The following PLCG2 variants were observed in gnomAD, a reference collection of about 807,000 sequenced individuals.
PLCG2 encodes 1-phosphatidylinositol 4,5-bisphosphate phosphodiesterase gamma-2.
Under a neutral mutation model 175.6 loss-of-function variants are expected in PLCG2, and 69 were observed. The observed-to-expected ratio is 0.39, with a 90% CI of 0.32 to 0.48. The LOEUF (loss-of-function observed/expected upper bound fraction) is 0.48, where lower values mean the gene tolerates loss of function less well. Ranked by LOEUF, PLCG2 falls within the 20% of genes least tolerant of loss-of-function variation. The pLI is 0.91. For missense variants in PLCG2, 1,798 were observed against 1,650.9 expected (o/e 1.09, Z -1.54); for synonymous variants, 827 against 624.0 (o/e 1.33, Z -4.85).
chr16:81,852,486 C>G (rs1036838895), intron 2 of PLCG2, among the ~76,000 whole-genome samples: 4 of 85,510 alleles, frequency 4.7e-5, no homozygotes, highest in African/African-American at 1.4e-4. Flanking sequence ...ACTGGTTGAG[C>G]TTGTTGAGCT....
chr16:81,767,114 C>G (rs375096718), intron 2 of PLCG2, among the ~76,000 whole-genome samples: 7 of 151,520 alleles, frequency 4.6e-5, no homozygotes, highest in Middle Eastern at 3.4e-3. Context: ...CCTCTCCACC[C>G]CATTCAACTG....
In PLCG2 at chr16:81,923,531, G is replaced by C. The variant is rs1910140827; in HGVS notation, c.2354G>C (p.Ser785Thr). ...KALYDYKAKR[S>T]DELSFCRGAL... ...CTGTATGACTACAAAGCCAAGCGAA[G>C]CGATGAGCTGAGCTTCTGCCGTGGT... The change falls in exon 22 of 33, where the codon AGC becomes ACC. Residue 785 changes from serine (S) to threonine (T), a missense_variant. Ser to Thr is a moderately conservative substitution (Grantham distance 58). Transcript: ENST00000564138. 1 of 1,613,918 alleles carries C rather than the reference G, an allele frequency of 6.2e-7. No homozygotes were observed. The highest frequency in any genetic ancestry group is 1.3e-5 in the African/African-American group (1 of 75,042).
At chr16:81,876,662 A>AG (rs1388507005) in intron 7 of PLCG2, among the ~76,000 whole-genome samples, 19 of 152,280 alleles carry the variant, frequency 1.2e-4, no homozygotes, top group African/African-American at 4.3e-4. Context: ...GTGACCCAAG[A>AG]GGCACAGTGG....
chr16:81,889,115 TGAA>T, intron 9 of PLCG2, 54 bp from the exon 10 acceptor site: 1 of 1,046,206 alleles, frequency 9.6e-7, no homozygotes, highest in East Asian at 2.5e-5. Flanking sequence ...CCCTGGGAAA[TGAA>T]GAATTTTATC....
At chr16:81,750,662 G>GTTTTTTTTTTTTTTTTTTTTTTT (rs1567692941) in intron 1 of PLCG2, among the ~76,000 whole-genome samples, 1 of 18,586 alleles carries the variant, frequency 5.4e-5, no homozygotes, top group African/African-American at 1.4e-4. Context: ...GGGGACTGGA[G>GTTTTTTTTTTTTTTTTTTTTTTT]ATTTTTTTTT....
chr16:81,769,785 A>C (rs1300075789), intron 2 of PLCG2, among the ~76,000 whole-genome samples: 8 of 131,752 alleles, frequency 6.1e-5, no homozygotes, highest in African/African-American at 8.8e-5. Flanking sequence ...CCGCCACTGC[A>C]CTCCAGCCTG....
chr16:81,902,181 C>T (rs555011601), intron 14 of PLCG2, among the ~76,000 whole-genome samples: 1 of 152,282 alleles, frequency 6.6e-6, no homozygotes, highest in Admixed American at 6.5e-5. Context: ...ATCTGAAGTC[C>T]CTAGCGGGGC....
At chr16:81,864,215 A>G (rs892513935) in intron 5 of PLCG2, among the ~76,000 whole-genome samples, 4 of 152,174 alleles carry the variant, frequency 2.6e-5, no homozygotes, top group Admixed American at 2.6e-4. Flanking sequence ...AAGAATTTGC[A>G]TTTCAACCAA....
chr16:81,863,713 C>G (rs988533800), intron 5 of PLCG2, among the ~76,000 whole-genome samples: 1 of 152,202 alleles, frequency 6.6e-6, no homozygotes, highest in Non-Finnish European at 1.5e-5. Flanking sequence ...TCTTCATATC[C>G]TCACCAACAC....
Position 81,859,147 on chromosome 16 carries a change from C to A in PLCG2, c.463C>A (p.Gln155Lys). The A allele has an allele frequency of 6.3e-7, 1 of 1,595,622 alleles. No individual in the cohort carries two copies. Among genetic ancestry groups the A allele is most frequent in the South Asian group, 1.1e-5 (1 of 90,626 alleles). Reference sequence around the variant, plus strand: ...GAGAAAGCAGATATATTCTGTGGATCAAACCAGAAGAAACAGGTAAGAGTC... The same window carrying A: ...GAGAAAGCAGATATATTCTGTGGATAAAACCAGAAGAAACAGGTAAGAGTC... The part of the protein sequence containing the change: ...WLRKQIYSVD[Q>K]TRRNSISLRE... The change falls in exon 5 of 33, where the codon CAA (glutamine) becomes AAA (lysine). Residue 155 changes from glutamine (Q) to lysine (K), a missense_variant. Gln to Lys is a moderately conservative substitution (Grantham distance 53). Transcript: ENST00000564138.
chr16:81,869,885 C>T (rs991537157), intron 6 of PLCG2, among the ~76,000 whole-genome samples: 4 of 152,072 alleles, frequency 2.6e-5, no homozygotes, highest in African/African-American at 9.7e-5. Flanking sequence ...CAATGGGCAC[C>T]GATTTTTGCT....
chr16:81,742,017 T>A (rs1909605169), intron 1 of PLCG2, among the ~76,000 whole-genome samples: 2 of 152,224 alleles, frequency 1.3e-5, no homozygotes, highest in Admixed American at 1.3e-4. Flanking sequence ...ATTCACCAAC[T>A]TCTCCCTATC....
At chr16:81,933,096 G>A (rs996103285) in intron 25 of PLCG2, among the ~76,000 whole-genome samples, 4 of 152,248 alleles carry the variant, frequency 2.6e-5, no homozygotes, top group African/African-American at 7.2e-5. Flanking sequence ...CTCCTGCCGC[G>A]TGAAGGTTCC....
At position 81,921,258 on chromosome 16, in the gene PLCG2, A is replaced by C. The variant is rs955126333; in HGVS notation, c.2296A>C (p.Asn766His). 2.2e-5 allele frequency: 36 copies of C among 1,607,068 alleles called. No homozygotes were observed. The highest frequency in any genetic ancestry group is 3.0e-5 in the Non-Finnish European group (35 of 1,173,714). Residue 766 changes from asparagine to histidine, a missense_variant, in exon 21 of 33, where the codon AAT (asparagine) becomes CAT (histidine). Physicochemically the swap from Asn to His is moderately conservative, Grantham distance 68. Transcript: ENST00000564138. ...AATGTATGTGGATCCCAGTGAAATC[A>C]ATCCGTCCATGGTACGGTGCCGAAC... ...SRMYVDPSEI[N>H]PSMPQRTVKA...
At chr16:81,822,779 A>AAAAAAAG (rs1187816388) in intron 2 of PLCG2, among the ~76,000 whole-genome samples, 5 of 151,282 alleles carry the variant, frequency 3.3e-5, no homozygotes, top group African/African-American at 1.2e-4. Context: ...AAAAAAAAAA[A>AAAAAAAG]AAGAAAAAGG....
intron 2 of PLCG2, among the ~76,000 whole-genome samples, chr16:81,826,656 C>T (rs1245810335): frequency 6.6e-6 from 1 of 152,190 alleles, no homozygotes; most frequent in Non-Finnish European, 1.5e-5. Context: ...TAACCACGTC[C>T]TCTCAGTGGT....
chr16:81,876,003 T>C (rs1907763410), intron 7 of PLCG2, among the ~76,000 whole-genome samples: 1 of 142,788 alleles, frequency 7.0e-6, no homozygotes, highest in African/African-American at 2.6e-5. Flanking sequence ...CTGGTTAGCT[T>C]TTCTTTTTCT....
At chr16:81,853,028 CT>C (rs1906496918) in intron 2 of PLCG2, among the ~76,000 whole-genome samples, 1 of 152,168 alleles carries the variant, frequency 6.6e-6, no homozygotes, top group South Asian at 2.1e-4. Flanking sequence ...GGTACCAGGC[CT>C]TCTTAAGTAT....
chr16:81,754,890 T>C (rs955847060), intron 1 of PLCG2, among the ~76,000 whole-genome samples: 2 of 152,230 alleles, frequency 1.3e-5, no homozygotes, highest in Admixed American at 1.3e-4. Context: ...AATAATCTGA[T>C]TCTGGATCAG....
Sources: gnomAD v4.1 joint callset for allele counts (sites outside exome capture counted in the v4.1 genomes callset) on GRCh38, gnomAD v4.1.1 for gene constraint, MANE v1.5 for transcripts, NCBI Gene and HGNC (gene_info 2026-07-23, HGNC 2026-07-21) for gene names.